BCAS3: variants seen among roughly 807,000 people sequenced by gnomAD.
The protein encoded by BCAS3 is BCAS3 microtubule associated cell migration factor, also known as BCAS4/BCAS3 fusion.
Under a neutral mutation model 116.1 loss-of-function variants are expected in BCAS3, and 53 were observed. That is an observed-to-expected ratio of 0.46 (90% CI 0.37 to 0.57). The LOEUF (loss-of-function observed/expected upper bound fraction) is 0.57. BCAS3 is among the 20% of genes least tolerant of loss of function. The pLI is 0.00. For synonymous variants in BCAS3, 391 were observed against 408.2 expected (o/e 0.96, Z 0.51); for missense variants, 917 against 1,165.4 (o/e 0.79, Z 3.10).
rs1469957652 is a variant in BCAS3 at position 61,377,311 on chromosome 17, G to A, written c.2593+8817G>A. On this transcript the variant is annotated intron_variant, in intron 23 of 23. Transcript: ENST00000407086. The surrounding 1 kb of genome is among the most constrained non-coding windows in gnomAD (Gnocchi z 4.6). ...CTACTCGGGACAAGAGGGAGCAGCT[G>A]CGCCAGCGAGACTGTGGGACAGCCG... is the stretch of plus-strand genomic sequence containing the variant. Among the ~76,000 whole-genome samples, 1 of 152,222 alleles carries A rather than the reference G, an allele frequency of 6.6e-6. No homozygotes were observed. The highest frequency in any genetic ancestry group is 2.4e-5 in the African/African-American group (1 of 41,456).
At chr17:61,160,987 G>A (rs1257581562) in intron 22 of BCAS3, among the ~76,000 whole-genome samples, 1 of 152,104 alleles carries the variant, frequency 6.6e-6, no homozygotes. Context: ...CTTTGATAAA[G>A]TGGCCTTCCT....
intron 22 of BCAS3, among the ~76,000 whole-genome samples, chr17:61,274,593 A>G (rs2050616684): frequency 2.0e-5 from 3 of 152,082 alleles, no homozygotes; most frequent in Admixed American, 6.6e-5. Context: ...CGGCCTGAAC[A>G]TGTTTTTAAT....
chr17:60,697,423 T>TAAC (rs1490714969), intron 4 of BCAS3, among the ~76,000 whole-genome samples: 1 of 150,478 alleles, frequency 6.6e-6, no homozygotes, highest in African/African-American at 2.4e-5. Context: ...AATAAATAAA[T>TAAC]AACTAAAAAA....
At chr17:60,808,310 T>A (rs2048472370) in intron 7 of BCAS3, among the ~76,000 whole-genome samples, 1 of 152,250 alleles carries the variant, frequency 6.6e-6, no homozygotes, top group Non-Finnish European at 1.5e-5. Context: ...TTTTATTTAT[T>A]ACCACAATAC....
chr17:61,209,562 T>C (rs543187227), intron 22 of BCAS3, among the ~76,000 whole-genome samples: 79 of 152,274 alleles, frequency 5.2e-4, no homozygotes, highest in African/African-American at 1.4e-3. Context: ...CAGTGTAAAA[T>C]GTATTTTTAA....
intron 4 of BCAS3, among the ~76,000 whole-genome samples, chr17:60,708,696 T>C (rs2037487769): frequency 1.3e-5 from 2 of 152,046 alleles, no homozygotes; most frequent in African/African-American, 2.4e-5. Context: ...ACCCGACTAA[T>C]TTTTGTAGTT....
Position 61,180,967 on chromosome 17 carries a change from TAGCACTTTGGG to T in BCAS3, c.2425+96406_2425+96416del, listed in dbSNP as rs1043707489. ...GCACGATGGCTCACACCTGTAATCT[TAGCACTTTGGG>T]AGGCTGGGGTGGGGGGATCACTTGA... is the stretch of plus-strand genomic sequence containing the variant. On this transcript the variant is annotated intron_variant, in intron 22 of 23. Coordinates refer to ENST00000407086, the MANE Select transcript of BCAS3 (RefSeq NM_017679.5). The surrounding 1 kb of genome is among the most constrained non-coding windows in gnomAD (Gnocchi z 6.0). Among the ~76,000 whole-genome samples the T allele has an allele frequency of 3.3e-5, 5 of 152,078 alleles. No individual in the cohort carries two copies. Among genetic ancestry groups the T allele is most frequent in the Non-Finnish European group, 7.4e-5 (5 of 68,000 alleles).
At chr17:60,813,927 G>A (rs778727692) in intron 7 of BCAS3, among the ~76,000 whole-genome samples, 2 of 152,118 alleles carry the variant, frequency 1.3e-5, no homozygotes, top group Non-Finnish European at 2.9e-5. Flanking sequence ...TTTGGTTACT[G>A]TAGCCTTATA....
chr17:60,966,916 G>A (rs1196126967), intron 14 of BCAS3, among the ~76,000 whole-genome samples: 1 of 152,064 alleles, frequency 6.6e-6, no homozygotes, highest in Non-Finnish European at 1.5e-5. Context: ...AAAGTGCTGG[G>A]ATTACAGATG....
intron 19 of BCAS3, among the ~76,000 whole-genome samples, chr17:61,069,219 A>T (rs898319038): frequency 2.7e-4 from 41 of 152,200 alleles, no homozygotes; most frequent in African/African-American, 9.9e-4. Context: ...AAGATTGCAG[A>T]TTTACAGGAA....
chr17:61,140,138 G>A lies in BCAS3; in HGVS notation c.2425+55574G>A, dbSNP rs531479232. 6.6e-6 allele frequency among the ~76,000 whole-genome samples: 1 copy of A among 152,310 alleles called. No individual in the cohort carries two copies. Among genetic ancestry groups the A allele is most frequent in the East Asian group, 1.9e-4 (1 of 5,188 alleles). ...TGTAAACCCAGCTACTCAGGAGGCT[G>A]AGGCAGGAGAATCACTGGAACCCAG... is the stretch of plus-strand genomic sequence containing the variant. On this transcript the variant is annotated intron_variant, in intron 22 of 23. Transcript: ENST00000407086. This position sits in a 1 kb window ranked among gnomAD's most constrained non-coding sequence, Gnocchi z 4.2.
intron 7 of BCAS3, among the ~76,000 whole-genome samples, chr17:60,861,337 A>G (rs2054138827): frequency 6.6e-6 from 1 of 152,134 alleles, no homozygotes; most frequent in Non-Finnish European, 1.5e-5. Flanking sequence ...TCATACATTG[A>G]TTTTATATCC....
rs569868469 is a variant in BCAS3 at position 61,029,144 on chromosome 17, G to T, written c.1638-5522G>T. 6.6e-6 allele frequency among the ~76,000 whole-genome samples: 1 copy of T among 151,994 alleles called. No individual in the cohort carries two copies. Among genetic ancestry groups the T allele is most frequent in the East Asian group, 1.9e-4 (1 of 5,190 alleles). On this transcript the variant is annotated intron_variant, in intron 16 of 23. Transcript: ENST00000407086. The surrounding 1 kb of genome is among the most constrained non-coding windows in gnomAD (Gnocchi z 5.2). ...AATATATGTATTTTGGATGAAAAAT[G>T]AAATTTTTAAATGAAATGTAAATTT...
chr17:61,319,909 G>A (rs1206157601), intron 22 of BCAS3, among the ~76,000 whole-genome samples: 1 of 60,978 alleles, frequency 1.6e-5, no homozygotes, highest in East Asian at 4.2e-4. Flanking sequence ...TTTTTTTTTT[G>A]AGATAGAGTC....
At position 61,327,438 on chromosome 17, in the gene BCAS3, A is replaced by G. The variant is rs2055828698; in HGVS notation, c.2426-40889A>G. On this transcript the variant is annotated intron_variant, in intron 22 of 23. Coordinates refer to ENST00000407086, the MANE Select transcript of BCAS3 (RefSeq NM_017679.5). The surrounding 1 kb of genome is among the most constrained non-coding windows in gnomAD (Gnocchi z 5.9). ...ATGTTTATGACATCATAGAATTGTA[A>G]TGAGACTATATTGAGGGTTAGATAA... Among the ~76,000 whole-genome samples the G allele has an allele frequency of 6.6e-6, 1 of 152,214 alleles. No individual in the cohort carries two copies. Among genetic ancestry groups the G allele is most frequent in the Admixed American group, 6.5e-5 (1 of 15,280 alleles).
chr17:60,922,153 G>T (rs568343795), intron 12 of BCAS3, among the ~76,000 whole-genome samples: 7 of 151,822 alleles, frequency 4.6e-5, no homozygotes, highest in African/African-American at 1.7e-4. Flanking sequence ...TTGAGACAGA[G>T]TCTTGCTCTG....
intron 7 of BCAS3, among the ~76,000 whole-genome samples, chr17:60,841,904 G>A (rs1308997770): frequency 2.0e-5 from 3 of 152,068 alleles, no homozygotes; most frequent in Non-Finnish European, 4.4e-5. Context: ...AGAGTCTCTA[G>A]TGATGGTGTT....
intron 6 of BCAS3, among the ~76,000 whole-genome samples, chr17:60,766,679 CTT>C (rs1362843810): frequency 6.6e-6 from 1 of 152,218 alleles, no homozygotes; most frequent in Non-Finnish European, 1.5e-5. Context: ...GGCAGTCTGT[CTT>C]TTCTCAGAGC....
Position 60,962,469 on chromosome 17 carries a change from C to A in BCAS3, c.1221+15117C>A, listed in dbSNP as rs184990817. 1.1e-3 allele frequency among the ~76,000 whole-genome samples: 161 copies of A among 152,082 alleles called. 1 individual carries two copies. The highest frequency in any genetic ancestry group is 3.7e-3 in the African/African-American group (153 of 41,500). The stretch of plus-strand genomic sequence containing the variant: ...CATTTTTTTTCATATACCTATTGGC[C>A]ATTTGCATGTCTTCTTTTGAGAAAT... On this transcript the variant is annotated intron_variant, in intron 14 of 23. Coordinates refer to ENST00000407086, the MANE Select transcript of BCAS3 (RefSeq NM_017679.5). This position sits in a 1 kb window ranked among gnomAD's most constrained non-coding sequence, Gnocchi z 4.4.
Sources: gnomAD v4.1 joint callset for allele counts (sites outside exome capture counted in the v4.1 genomes callset) on GRCh38, gnomAD v4.1.1 for gene constraint, Gnocchi (gnomAD v3.1) non-coding constraint, MANE v1.5 for transcripts, NCBI Gene and HGNC (gene_info 2026-07-23, HGNC 2026-07-21) for gene names.